Variants in ADGRL2 observed in about 807,000 individuals in gnomAD.
The protein encoded by ADGRL2 is adhesion G protein-coupled receptor L2.
A neutral mutation model predicts 157.4 loss-of-function variants in ADGRL2; 44 were observed. The ratio of observed to expected loss-of-function variants is 0.28; its 90% confidence interval spans 0.22 to 0.36. The LOEUF (loss-of-function observed/expected upper bound fraction) is 0.36. Ranked by LOEUF, ADGRL2 falls within the 10% of genes least tolerant of loss-of-function variation. The probability of loss-of-function intolerance (pLI) is 1.00; values close to 1 mark genes in which losing one functional copy is unlikely to be tolerated. For synonymous variants in ADGRL2, 585 were observed against 624.7 expected (o/e 0.94, Z 0.95); for missense variants, 1,510 against 1,768.9 (o/e 0.85, Z 2.63).
At chr1:81,745,266 TTC>T (rs1381193617) in intron 1 of ADGRL2, among the ~76,000 whole-genome samples, 19 of 152,348 alleles carry the variant, frequency 1.2e-4, no homozygotes, top group African/African-American at 4.3e-4. Flanking sequence ...TCTGCAAATA[TTC>T]TCTCTCTTGA....
chr1:81,687,034 G>A (rs192203923), intron 3 of ADGRL2, among the ~76,000 whole-genome samples: 2 of 152,184 alleles, frequency 1.3e-5, no homozygotes, highest in East Asian at 3.9e-4. Flanking sequence ...ATTTATTGAG[G>A]CTCATTTTAT....
intron 1 of ADGRL2, among the ~76,000 whole-genome samples, chr1:81,816,686 A>G (rs1222448849): frequency 6.6e-6 from 1 of 151,924 alleles, no homozygotes; most frequent in Admixed American, 6.6e-5. Context: ...AGTTAAAAAG[A>G]TGTTTACAGT....
At chr1:81,575,479 G>C (rs929915147) in intron 2 of ADGRL2, among the ~76,000 whole-genome samples, 3 of 152,102 alleles carry the variant, frequency 2.0e-5, no homozygotes, top group Non-Finnish European at 4.4e-5. Context: ...GTATCTAATA[G>C]TGCTACTATC....
At chr1:81,519,214 A>G (rs1041724664) in intron 2 of ADGRL2, among the ~76,000 whole-genome samples, 1 of 152,220 alleles carries the variant, frequency 6.6e-6, no homozygotes, top group Non-Finnish European at 1.5e-5. Flanking sequence ...TTTTGACATC[A>G]TGGCAAAATG....
At chr1:81,636,858 CAG>C (rs1340543939) in intron 3 of ADGRL2, among the ~76,000 whole-genome samples, 7 of 152,250 alleles carry the variant, frequency 4.6e-5, no homozygotes, top group African/African-American at 1.7e-4. Flanking sequence ...GGTGTTCAAA[CAG>C]AGTCTCCCTC....
chr1:81,731,729 A>G (rs201151272), intron 1 of ADGRL2, among the ~76,000 whole-genome samples: 1 of 152,128 alleles, frequency 6.6e-6, no homozygotes, highest in East Asian at 1.9e-4. Flanking sequence ...ACCATTTATC[A>G]CTGTTGACTA....
chr1:81,528,448 C>A (rs912782240), intron 2 of ADGRL2, among the ~76,000 whole-genome samples: 1 of 151,982 alleles, frequency 6.6e-6, no homozygotes. Context: ...GAGATCGAGA[C>A]CATCCTGGCT....
chr1:81,948,253 A>G (rs1275841611), intron 6 of ADGRL2, among the ~76,000 whole-genome samples: 1 of 97,956 alleles, frequency 1.0e-5, no homozygotes, highest in Non-Finnish European at 2.1e-5. Context: ...AAAAGGTATA[A>G]AAATAAATTA....
At chr1:81,390,017 C>T (rs1423407491) in intron 1 of ADGRL2, among the ~76,000 whole-genome samples, 1 of 151,980 alleles carries the variant, frequency 6.6e-6, no homozygotes, top group East Asian at 1.9e-4. Flanking sequence ...AGGTAATGGT[C>T]TTAAATGTTC....
chr1:81,922,703 A>G (rs2095014071), intron 3 of ADGRL2, among the ~76,000 whole-genome samples: 1 of 152,094 alleles, frequency 6.6e-6, no homozygotes, highest in Non-Finnish European at 1.5e-5. Context: ...TTTTTTTAAA[A>G]CCAGCATCAC....
chr1:81,680,796 G>A (rs1023380864), intron 3 of ADGRL2, among the ~76,000 whole-genome samples: 11 of 152,004 alleles, frequency 7.2e-5, no homozygotes, highest in Non-Finnish European at 1.5e-5. Flanking sequence ...TGCAATGTTG[G>A]GAACATAGAT....
Position 81,952,070 on chromosome 1 carries a change from G to A in ADGRL2, c.1722G>A (p.Val574=), listed in dbSNP as rs748729511. 1.2e-6 allele frequency: 2 copies of A among 1,613,606 alleles called. No homozygotes were observed. Among genetic ancestry groups the A allele is most frequent in the Non-Finnish European group, 1.7e-6 (2 of 1,179,608 alleles). Reference sequence around the variant, plus strand: ...CAGTGAGATTGATGGAGCAGTTGGTGGACATCCTTGATGCACAGCTGCAGG... The same window carrying A: ...CAGTGAGATTGATGGAGCAGTTGGTAGACATCCTTGATGCACAGCTGCAGG... ...SSSVRLMEQL[V]DILDAQLQEL... is the part of the protein sequence containing the mutation. Residue 574 remains valine (V), a synonymous_variant, in exon 9 of 24, where the codon GTG becomes GTA. Transcript: ENST00000686636.
At chr1:81,406,513 A>T (rs12741787) in intron 1 of ADGRL2, among the ~76,000 whole-genome samples, 50,065 of 152,050 alleles carry the variant, frequency 0.33, 8,930 homozygotes, top group Non-Finnish European at 0.41. Flanking sequence ...TTTGCCACCC[A>T]AGAGGCTTAG....
chr1:81,370,156 G>T (rs896311942), intron 1 of ADGRL2, among the ~76,000 whole-genome samples: 23 of 152,088 alleles, frequency 1.5e-4, no homozygotes, highest in African/African-American at 5.6e-4. Flanking sequence ...AAAAAAAAAG[G>T]CTCTAACTTA....
intron 1 of ADGRL2, among the ~76,000 whole-genome samples, chr1:81,757,278 C>A (rs979422582): frequency 1.3e-5 from 2 of 152,100 alleles, no homozygotes; most frequent in African/African-American, 4.8e-5. Flanking sequence ...TATGTAACAT[C>A]CCATATTCTT....
At chr1:81,959,941 C>T (rs1183467143) in intron 11 of ADGRL2, among the ~76,000 whole-genome samples, 1 of 151,830 alleles carries the variant, frequency 6.6e-6, no homozygotes, top group African/African-American at 2.4e-5. Context: ...ACTGGGATTA[C>T]ATGTGCTCAC....
chr1:81,586,792 C>T (rs879441915), intron 3 of ADGRL2, among the ~76,000 whole-genome samples: 2 of 152,060 alleles, frequency 1.3e-5, no homozygotes, highest in Non-Finnish European at 2.9e-5. Context: ...CTCACTTTCT[C>T]CTTACTTCCT....
At chr1:81,845,652 C>T (rs1443365234) in intron 2 of ADGRL2, among the ~76,000 whole-genome samples, 1 of 150,264 alleles carries the variant, frequency 6.7e-6, no homozygotes, top group Non-Finnish European at 1.5e-5. Context: ...CTTTTGCCAG[C>T]TTTTCTGTTT....
At chr1:81,404,414 T>A (rs1391926008) in intron 1 of ADGRL2, among the ~76,000 whole-genome samples, 1 of 152,206 alleles carries the variant, frequency 6.6e-6, no homozygotes, top group African/African-American at 2.4e-5. Flanking sequence ...AAATATTTAA[T>A]CAATTTATCT....
Sources: allele counts gnomAD v4.1 joint callset (sites outside exome capture counted in the v4.1 genomes callset), GRCh38; gene constraint gnomAD v4.1.1; transcripts MANE v1.5; gene names NCBI Gene and HGNC (gene_info 2026-07-23, HGNC 2026-07-21).